HSPG2: variants seen among roughly 807,000 people sequenced by gnomAD.
HSPG2 encodes the protein basement membrane-specific heparan sulfate proteoglycan core protein.
In HSPG2, 278 loss-of-function variants were observed where a neutral mutation model predicts 526.6. The observed-to-expected ratio is 0.53, with a 90% CI of 0.48 to 0.58. HSPG2 has a LOEUF of 0.58. Ranked by LOEUF, HSPG2 falls within the 20% of genes least tolerant of loss-of-function variation. The pLI is 0.00. For synonymous variants in HSPG2, 2,465 were observed against 2,555.4 expected (o/e 0.96, Z 1.07); for missense variants, 5,354 against 6,099.5 (o/e 0.88, Z 4.07).
At chr1:21,909,363 G>A (rs1643544070) in intron 1 of HSPG2, among the ~76,000 whole-genome samples, 1 of 152,192 alleles carries the variant, frequency 6.6e-6, no homozygotes, top group African/African-American at 2.4e-5. Context: ...CAGACAGAGA[G>A]CACATGCTGA....
At chr1:21,896,090 G>C in intron 2 of HSPG2, 85 bp downstream of exon 2, 2 of 1,605,156 alleles carry the variant, frequency 1.2e-6, no homozygotes, top group Admixed American at 1.7e-5. Context: ...CGGAATGGTC[G>C]GTCACCCTCC....
chr1:21,891,522 G>A (rs1244717474), intron 3 of HSPG2, among the ~76,000 whole-genome samples: 1 of 152,230 alleles, frequency 6.6e-6, no homozygotes, highest in Non-Finnish European at 1.5e-5. Context: ...CATCCCCAGT[G>A]CCTGCCGCGT....
At chr1:21,903,340 C>G (rs1466582397) in intron 1 of HSPG2, among the ~76,000 whole-genome samples, 1 of 152,218 alleles carries the variant, frequency 6.6e-6, no homozygotes, top group Admixed American at 6.5e-5. Context: ...GTGGCTCACG[C>G]CTGTAGTCCC....
In HSPG2 at chr1:21,852,090, G is replaced by C; in HGVS notation, c.6868C>G (p.Gln2290Glu). 6.2e-7 allele frequency: 1 copy of C among 1,613,390 alleles called. No homozygotes were observed. Among genetic ancestry groups the C allele is most frequent in the South Asian group, 1.1e-5 (1 of 91,068 alleles). ...KRGGSLPARH[Q>E]VRGSRLYIFQ... Reference sequence around the variant, plus strand: ...CCCACATTCTTGGTGCCCTGTACCTGGTGCCGGGCAGGGAGGCTGCCCCCA... The same window carrying C: ...CCCACATTCTTGGTGCCCTGTACCTCGTGCCGGGCAGGGAGGCTGCCCCCA... The change falls in exon 53 of 97, where the codon CAG (glutamine) becomes GAG (glutamate). Residue 2290 changes from glutamine to glutamate, a missense_variant and splice_region_variant. Coordinates refer to ENST00000374695, the MANE Select transcript of HSPG2 (RefSeq NM_005529.7).
At chr1:21,921,906 T>C (rs986968975) in intron 1 of HSPG2, among the ~76,000 whole-genome samples, 1 of 152,044 alleles carries the variant, frequency 6.6e-6, no homozygotes, top group African/African-American at 2.4e-5. Flanking sequence ...CCCACCTTGC[T>C]CCCCTCCCAA....
At chr1:21,936,306 T>C (rs1490752176) in intron 1 of HSPG2, among the ~76,000 whole-genome samples, 3 of 152,092 alleles carry the variant, frequency 2.0e-5, no homozygotes, top group African/African-American at 7.2e-5. Flanking sequence ...AATTCCCTTT[T>C]CCTCCACCTA....
At chr1:21,873,548 G>T in intron 29 of HSPG2, 124 bp from the exon 30 acceptor site, 1 of 1,004,510 alleles carries the variant, frequency 1.0e-6, no homozygotes. Flanking sequence ...AGCCTGACTC[G>T]CCCATGTTAC....
chr1:21,878,451 C>A lies in HSPG2; in HGVS notation c.2599G>T (p.Gly867Trp), dbSNP rs147301154. 1 of 1,607,752 alleles carries A rather than the reference C, an allele frequency of 6.2e-7. No individual in the cohort carries two copies. Among genetic ancestry groups the A allele is most frequent in the East Asian group, 2.2e-5 (1 of 44,656 alleles). Residue 867 changes from glycine to tryptophan, a missense_variant, in exon 20 of 97, where the codon GGG becomes TGG. Physicochemically the swap from Gly to Trp is radical, Grantham distance 184. Coordinates refer to ENST00000374695, the MANE Select transcript of HSPG2 (RefSeq NM_005529.7). Reference sequence around the variant, plus strand: ...TACTCACTGACGGGCCTGCACTTCCCGCCGGGCTGGATGGGGTTGCCCTCG... The same window carrying A: ...TACTCACTGACGGGCCTGCACTTCCAGCCGGGCTGGATGGGGTTGCCCTCG... ...GYEGNPIQPG[G>W]KCRPVNQEIV...
At chr1:21,891,824 T>C (rs977029757) in intron 3 of HSPG2, among the ~76,000 whole-genome samples, 17 of 152,306 alleles carry the variant, frequency 1.1e-4, no homozygotes, top group African/African-American at 3.4e-4. Flanking sequence ...TTGCCCAGGC[T>C]GGTCTCAAAC....
rs146482954 is a variant in HSPG2, at chr1:21,859,642, C to T, written c.5217G>A (p.Ser1739=). ...SELHFPSVQP[S]DAGVYICTCR... Reference sequence around the variant, plus strand: ...AGGTGCAAATGTAGACCCCAGCATCCGAGGGCTGGACGCTGGGGAAGTGGA... The same window carrying T: ...AGGTGCAAATGTAGACCCCAGCATCTGAGGGCTGGACGCTGGGGAAGTGGA... The change falls in exon 42 of 97, where the codon TCG becomes TCA. Residue 1739 remains serine, a synonymous_variant. Transcript: ENST00000374695. This position sits in a 1 kb window ranked among gnomAD's most constrained non-coding sequence, Gnocchi z 5.3. 154 of 1,608,248 alleles carry T rather than the reference C, an allele frequency of 9.6e-5. No individual in the cohort carries two copies. The Middle Eastern group carries it at 9.9e-4, about 10-fold the overall frequency.
intron 66 of HSPG2, 95 bp from the exon 67 acceptor site, chr1:21,843,016 T>G (rs1229609322): frequency 2.8e-6 from 4 of 1,443,482 alleles, no homozygotes; most frequent in African/African-American, 1.4e-5. Flanking sequence ...CAGTTGATCC[T>G]GGGGGCGCGG....
chr1:21,876,104 G>A lies in HSPG2; in HGVS notation c.3004-62C>T. The A allele has an allele frequency of 1.9e-6, 3 of 1,594,706 alleles. No individual in the cohort carries two copies. In the South Asian group the frequency reaches 3.3e-5, roughly 18 times the overall value. ...GAATTCGGGCCCTGTCACTGCTCCA[G>A]CCACCTTTTCCATGCAGTGTATCTC... On this transcript the variant is annotated intron_variant, in intron 23 of 96. Transcript: ENST00000374695.
intron 91 of HSPG2, among the ~76,000 whole-genome samples, chr1:21,826,315 C>T (rs968177729): frequency 6.6e-6 from 1 of 152,110 alleles, no homozygotes; most frequent in Non-Finnish European, 1.5e-5. Flanking sequence ...AGCAATCCTC[C>T]TGCCTGTCTC....
Position 21,874,017 on chromosome 1 carries a change from T to C in HSPG2, c.3657-6A>G, listed in dbSNP as rs1430216211. 2 of 1,595,248 alleles carry C rather than the reference T, an allele frequency of 1.3e-6. No individual in the cohort carries two copies. The highest frequency in any genetic ancestry group is 1.3e-5 in the African/African-American group (1 of 74,634). On this transcript the variant is annotated splice_region_variant and splice_polypyrimidine_tract_variant and intron_variant, in intron 28 of 96. Coordinates refer to ENST00000374695, the MANE Select transcript of HSPG2 (RefSeq NM_005529.7). ...GAAAACAAGTGTGGGCAGCCCTGAGTGTGGGGGCAGATTTCTAGTCAGGAA... is the reference window on the plus strand; with the variant it reads ...GAAAACAAGTGTGGGCAGCCCTGAGCGTGGGGGCAGATTTCTAGTCAGGAA...
chr1:21,853,406 C>T (rs1457778863), intron 50 of HSPG2, among the ~76,000 whole-genome samples: 4 of 152,176 alleles, frequency 2.6e-5, no homozygotes, highest in South Asian at 2.1e-4. Context: ...GGACGTCTTC[C>T]GTGTGCTCAC....
At position 21,823,038 on chromosome 1, in the gene HSPG2, G is replaced by C. The variant is rs734818; in HGVS notation, c.*278C>G. On this transcript the variant is annotated 3_prime_UTR_variant, in exon 97 of 97. Transcript: ENST00000374695. ...GGTGGGTAGGGGGACAGTGGGGGCA[G>C]TTCTGGGCCCACCCAGCCACTGTTC... 4.8e-4 allele frequency: 173 copies of C among 358,166 alleles called. No homozygotes were observed. The highest frequency in any genetic ancestry group is 3.4e-3 in the African/African-American group (159 of 47,158). 22.2% of individuals were successfully genotyped at this position (358,166 alleles called of 1,614,324 possible).
rs553687400 is a variant in HSPG2, at chr1:21,904,138, C to A, written c.64-7828G>T. 6.6e-6 allele frequency among the ~76,000 whole-genome samples: 1 copy of A among 152,288 alleles called. No individual in the cohort carries two copies. The highest frequency in any genetic ancestry group is 2.4e-5 in the African/African-American group (1 of 41,544). ...CACAGGCCACGGAACCACGTGCTGG[C>A]AACACCGTGCGAAGAGAGTGCTGAA... On this transcript the variant is annotated intron_variant, in intron 1 of 96. Transcript: ENST00000374695. The surrounding 1 kb of genome is among the most constrained non-coding windows in gnomAD (Gnocchi z 4.4).
intron 6 of HSPG2, among the ~76,000 whole-genome samples, chr1:21,889,490 T>C (rs749659205): frequency 6.6e-6 from 1 of 152,314 alleles, no homozygotes; most frequent in African/African-American, 2.4e-5. Context: ...CGAGTTTGTT[T>C]GAAATCCTCG....
intron 1 of HSPG2, among the ~76,000 whole-genome samples, chr1:21,933,287 G>A (rs894537792): frequency 6.6e-6 from 1 of 152,114 alleles, no homozygotes; most frequent in Admixed American, 6.5e-5. Context: ...AGAGGAGCAG[G>A]TGGCAGGAGG....
Sources: gnomAD v4.1 joint callset for allele counts (sites outside exome capture counted in the v4.1 genomes callset) on GRCh38, gnomAD v4.1.1 for gene constraint, Gnocchi (gnomAD v3.1) non-coding constraint, MANE v1.5 for transcripts, NCBI Gene and HGNC (gene_info 2026-07-23, HGNC 2026-07-21) for gene names.